Variants in DTNBP1 observed in about 807,000 individuals in gnomAD.
The protein encoded by DTNBP1 is dystrobrevin binding protein 1.
Under a neutral mutation model 42.8 loss-of-function variants are expected in DTNBP1, and 35 were observed. That is an observed-to-expected ratio of 0.82 (90% confidence interval 0.63 to 1.09). The LOEUF (loss-of-function observed/expected upper bound fraction) is 1.09, where lower values mean the gene tolerates loss of function less well. DTNBP1 is among the 50% of genes least tolerant of loss of function. The pLI, the probability that DTNBP1 is intolerant of heterozygous loss-of-function variation, is 0.00. For missense variants in DTNBP1, 457 were observed against 424.2 expected, an observed-to-expected ratio of 1.08 and a Z score of -0.68; for synonymous variants, 171 against 162.2, an observed-to-expected ratio of 1.05 and a Z score of -0.41.
intron 6 of DTNBP1, among the ~76,000 whole-genome samples, chr6:15,612,813 A>C (rs963105983): frequency 4.0e-5 from 6 of 151,792 alleles, no homozygotes; most frequent in Non-Finnish European, 8.8e-5. Flanking sequence ...GTTCCTTGAA[A>C]CTCTTGTTGC....
chr6:15,605,110 C>T (rs1659459219), intron 6 of DTNBP1, among the ~76,000 whole-genome samples: 1 of 152,042 alleles, frequency 6.6e-6, no homozygotes, highest in Non-Finnish European at 1.5e-5. Flanking sequence ...ATGCTGTGTA[C>T]TGAAGGGGAA....
intron 9 of DTNBP1, chr6:15,524,122 C>A: frequency 7.4e-7 from 1 of 1,360,428 alleles, no homozygotes; most frequent in South Asian, 1.2e-5. Context: ...TTGCCCATGG[C>A]AGGCACGCCC....
chr6:15,552,767 G>A lies in DTNBP1; in HGVS notation c.512-19372C>T, dbSNP rs542417246. On this transcript the variant is annotated intron_variant, in intron 7 of 9. Transcript: ENST00000344537. The stretch of plus-strand genomic sequence containing the variant: ...TGTGATGTGATAATGTCCTTTTCAT[G>A]AACTCTCCTGATAACACATGTTGAT... 5.9e-5 allele frequency among the ~76,000 whole-genome samples: 9 copies of A among 152,288 alleles called. 1 individual carries two copies. In the South Asian group the frequency reaches 1.9e-3, roughly 32 times the overall value.
chr6:15,569,057 CA>C (rs1167325880), intron 7 of DTNBP1, among the ~76,000 whole-genome samples: 2 of 152,128 alleles, frequency 1.3e-5, no homozygotes, highest in Non-Finnish European at 2.9e-5. Context: ...AATTACATGC[CA>C]AGTTCTGGGC....
At chr6:15,630,135 G>C (rs1488787031) in intron 4 of DTNBP1, among the ~76,000 whole-genome samples, 8 of 152,246 alleles carry the variant, frequency 5.3e-5, no homozygotes, top group African/African-American at 1.9e-4. Context: ...GGAAGAAAAA[G>C]CACACCAATG....
At chr6:15,603,359 G>T (rs1404307724) in intron 6 of DTNBP1, among the ~76,000 whole-genome samples, 2 of 152,102 alleles carry the variant, frequency 1.3e-5, no homozygotes, top group Admixed American at 1.3e-4. Context: ...AATAGGGAGA[G>T]GGGGGAGTAA....
chr6:15,548,283 T>C (rs1198072431), intron 7 of DTNBP1: 3 of 152,228 alleles, frequency 2.0e-5, no homozygotes, highest in Non-Finnish European at 4.4e-5. Context: ...ATGCTTGTTA[T>C]TCAACATAAA....
In DTNBP1 at chr6:15,627,216, T is replaced by C; in HGVS notation, c.355+127A>G. The stretch of plus-strand genomic sequence containing the variant: ...CTCAACTAATCAAAATATGAAATCA[T>C]GATTTTCCAAAAAATCCTGTTAACC... On this transcript the variant is annotated intron_variant, in intron 5 of 9. Coordinates refer to ENST00000344537, the MANE Select transcript of DTNBP1 (RefSeq NM_032122.5). 2.4e-6 allele frequency: 3 copies of C among 1,250,780 alleles called. No homozygotes were observed. In the South Asian group the frequency reaches 3.9e-5, roughly 16 times the overall value. 77.5% of individuals were successfully genotyped at this position (1,250,780 alleles called of 1,614,324 possible). A position where few individuals can be genotyped will look rare whatever the true frequency, so the allele number is the denominator to read the frequency against.
intron 8 of DTNBP1, among the ~76,000 whole-genome samples, chr6:15,526,106 A>G (rs888994158): frequency 6.6e-6 from 1 of 152,230 alleles, no homozygotes. Context: ...CAAAGAGGAG[A>G]GAGAAATGTC....
intron 8 of DTNBP1, among the ~76,000 whole-genome samples, chr6:15,526,886 GA>G (rs1772442595): frequency 2.0e-5 from 3 of 152,222 alleles, no homozygotes; most frequent in Admixed American, 6.5e-5. Context: ...CAACAAATAA[GA>G]TGGTAATGGG....
intron 6 of DTNBP1, among the ~76,000 whole-genome samples, chr6:15,597,507 C>T (rs899719060): frequency 6.6e-6 from 1 of 152,102 alleles, no homozygotes; most frequent in African/African-American, 2.4e-5. Context: ...CATAAAAATG[C>T]TAATAATAAT....
intron 3 of DTNBP1, among the ~76,000 whole-genome samples, chr6:15,648,104 T>C (rs1760784588): frequency 6.6e-6 from 1 of 152,008 alleles, no homozygotes; most frequent in South Asian, 2.1e-4. Context: ...TGGCTCAACA[T>C]ATGAAAATCT....
intron 7 of DTNBP1, among the ~76,000 whole-genome samples, chr6:15,573,172 T>A (rs1030105705): frequency 1.3e-5 from 2 of 152,206 alleles, no homozygotes; most frequent in Non-Finnish European, 2.9e-5. Context: ...TTTTTTTAGG[T>A]ATGTTTTATA....
chr6:15,602,713 C>G (rs918222956), intron 6 of DTNBP1, among the ~76,000 whole-genome samples: 1 of 152,034 alleles, frequency 6.6e-6, no homozygotes, highest in African/African-American at 2.4e-5. Context: ...ACTTTTCAAC[C>G]CAGGATAATA....
At chr6:15,550,207 T>G (rs1426287748) in intron 7 of DTNBP1, among the ~76,000 whole-genome samples, 1 of 152,208 alleles carries the variant, frequency 6.6e-6, no homozygotes, top group Non-Finnish European at 1.5e-5. Context: ...AACAATCACC[T>G]TTAGAGATGT....
intron 1 of DTNBP1, among the ~76,000 whole-genome samples, chr6:15,661,258 G>C (rs1366351672): frequency 6.6e-6 from 1 of 152,150 alleles, no homozygotes; most frequent in Non-Finnish European, 1.5e-5. Flanking sequence ...GGAAGCCTAG[G>C]AGGGAGGATC....
At chr6:15,569,353 A>ACCC (rs11332178) in intron 7 of DTNBP1, among the ~76,000 whole-genome samples, 3 of 127,168 alleles carry the variant, frequency 2.4e-5, no homozygotes, top group East Asian at 2.5e-4. Flanking sequence ...GCCAGTTAAG[A>ACCC]CCCCCCCCCG....
intron 1 of DTNBP1, among the ~76,000 whole-genome samples, chr6:15,661,356 TA>T (rs1320778199): frequency 2.5e-5 from 1 of 39,384 alleles, no homozygotes; most frequent in African/African-American, 1.0e-4. Flanking sequence ...CTTGTCACTT[TA>T]AAAAAAAGGG....
chr6:15,541,147 T>C (rs1303228680), intron 7 of DTNBP1, among the ~76,000 whole-genome samples: 1 of 152,078 alleles, frequency 6.6e-6, no homozygotes, highest in Admixed American at 6.6e-5. Flanking sequence ...CTATTCAGGA[T>C]GACTATGAAA....
Sources: allele counts gnomAD v4.1 joint callset (sites outside exome capture counted in the v4.1 genomes callset), GRCh38; gene constraint gnomAD v4.1.1; transcripts MANE v1.5; gene names NCBI Gene and HGNC (gene_info 2026-07-23, HGNC 2026-07-21).